The following ITFG2 variants were observed in gnomAD, a reference collection of about 807,000 sequenced individuals.
The protein encoded by ITFG2 is integrin alpha FG-GAP repeat containing 2, also known as KICSTOR complex protein ITFG2.
A neutral mutation model predicts 54.4 loss-of-function variants in ITFG2; 36 were observed. The ratio of observed to expected loss-of-function variants is 0.66; its 90% CI spans 0.51 to 0.87. The LOEUF is 0.87. Among genes scored for constraint, ITFG2 ranks in the 40% least tolerant of loss-of-function variants. The probability of loss-of-function intolerance (pLI) is 0.00; values close to 1 mark genes in which losing one functional copy is unlikely to be tolerated. For missense variants in ITFG2, 524 were observed against 576.7 expected, an observed-to-expected ratio of 0.91 and a Z score of 0.94; for synonymous variants, 211 against 225.4, an observed-to-expected ratio of 0.94 and a Z score of 0.57.
At chr12:2,855,221 C>A in intron 2 of ITFG2, 1 of 1,505,764 alleles carries the variant, frequency 6.6e-7, no homozygotes, top group Non-Finnish European at 8.9e-7. Context: ...CGGCACACAT[C>A]GAGCCACGTG....
chr12:2,819,838 G>A (rs1294644544), intron 4 of ITFG2: 3 of 352,548 alleles, frequency 8.5e-6, no homozygotes, highest in Non-Finnish European at 1.5e-5. Context: ...GATGAATTGG[G>A]ACACTTTGAG....
At chr12:2,821,826 T>G (rs1241814761) in intron 9 of ITFG2, 34 bp downstream of exon 9, 1 of 1,505,820 alleles carries the variant, frequency 6.6e-7, no homozygotes, top group African/African-American at 1.4e-5. Flanking sequence ...AGAGCATTCC[T>G]GCGTTTTCCA....
chr12:2,835,037 A>G (rs2098021862), upstream of ITFG2: 1 of 1,474,742 alleles, frequency 6.8e-7, no homozygotes, highest in East Asian at 2.3e-5. Flanking sequence ...AGAGGGAGTG[A>G]GACTCCGGCT....
At chr12:2,842,120 C>CTTTTTTTTTTT (rs71057841) in intron 2 of ITFG2, among the ~76,000 whole-genome samples, 5 of 108,714 alleles carry the variant, frequency 4.6e-5, no homozygotes, top group African/African-American at 1.5e-4. Context: ...TCACTTGTTT[C>CTTTTTTTTTTT]TTTTTTTTTT....
At chr12:2,826,999 T>C (rs1184988162), downstream of ITFG2, 2 of 1,386,794 alleles carry the variant, frequency 1.4e-6, 1 homozygote, top group South Asian at 3.4e-5. Context: ...GGCCCTCTAG[T>C]GAAAACTCGT....
Position 2,817,297 on chromosome 12 carries a change from C to G in ITFG2, c.171C>G (p.Leu57=). The change falls in exon 2 of 12, where the codon CTC becomes CTG. Residue 57 remains leucine, a synonymous_variant. Transcript: ENST00000228799. ...AAAATGATGACAGTCGGCCATGGCT[C>G]ACCTGTTCCTGCCAGGGAATGGTCA... ...VYKNDDSRPW[L]TCSCQGMLTC... 2 of 1,613,558 alleles carry G rather than the reference C, an allele frequency of 1.2e-6. No homozygotes were observed. Among genetic ancestry groups the G allele is most frequent in the East Asian group, 2.2e-5 (1 of 44,860 alleles).
chr12:2,834,969 A>G (rs754264163), upstream of ITFG2: 2 of 1,583,216 alleles, frequency 1.3e-6, no homozygotes, highest in Non-Finnish European at 1.7e-6. Flanking sequence ...GGGAAAGAGG[A>G]AAAATAAATA....
upstream of ITFG2, among the ~76,000 whole-genome samples, chr12:2,833,174 T>C (rs989407164): frequency 1.3e-5 from 2 of 151,792 alleles, no homozygotes; most frequent in African/African-American, 4.8e-5. Flanking sequence ...CCCGGGACTT[T>C]CTCATTAGAA....
At position 2,821,301 on chromosome 12, in the gene ITFG2, A is replaced by G. The variant is rs753298913; in HGVS notation, c.735A>G (p.Thr245=). Residue 245 remains threonine, a synonymous_variant, in exon 7 of 12, where the codon ACA becomes ACG. Transcript: ENST00000228799. The stretch of plus-strand genomic sequence containing the variant: ...CCCGAGACGTGGTGCTGCACCAGAC[A>G]TCTGGCCGTATCCACAACAAGAATG... ...PAARDVVLHQ[T]SGRIHNKNVS... The G allele has an allele frequency of 2.5e-6, 4 of 1,610,214 alleles. No individual in the cohort carries two copies. Among genetic ancestry groups the G allele is most frequent in the Non-Finnish European group, 3.4e-6 (4 of 1,178,266 alleles).
In ITFG2 at chr12:2,817,313, G is replaced by A. The variant is rs1199108559; in HGVS notation, c.187G>A (p.Gly63Arg). 3.1e-6 allele frequency: 5 copies of A among 1,611,618 alleles called. No homozygotes were observed. Among genetic ancestry groups the A allele is most frequent in the African/African-American group, 1.3e-5 (1 of 74,868 alleles). ...GCCATGGCTCACCTGTTCCTGCCAGGGAATGGTCAGTATTCACTTCCCTGG... is the reference window on the plus strand; with the variant it reads ...GCCATGGCTCACCTGTTCCTGCCAGAGAATGGTCAGTATTCACTTCCCTGG... ...SRPWLTCSCQ[G>R]MLTCVGVGDV... Residue 63 changes from glycine (G) to arginine (R), a missense_variant, in exon 2 of 12, where the codon GGA (glycine) becomes AGA (arginine). Coordinates refer to ENST00000228799, the MANE Select transcript of ITFG2 (RefSeq NM_018463.4).
chr12:2,826,829 T>G, downstream of ITFG2: 3 of 284,118 alleles, frequency 1.1e-5, no homozygotes, highest in Non-Finnish European at 1.2e-5. Context: ...GGAAGTTGAG[T>G]TGTGTTTGGG....
upstream of ITFG2, among the ~76,000 whole-genome samples, chr12:2,835,329 C>T (rs2098024351): frequency 6.6e-6 from 1 of 152,112 alleles, no homozygotes; most frequent in South Asian, 2.1e-4. Flanking sequence ...GTGGCCCCCG[C>T]CCTCCTCTGC....
chr12:2,830,183 GGAGGTAACATCT>G (rs1311250377), intron 2 of ITFG2: 1 of 152,222 alleles, frequency 6.6e-6, no homozygotes, highest in Non-Finnish European at 1.5e-5. Flanking sequence ...GTTTCAAGGA[GGAGGTAACATCT>G]GAGCTGGGCT....
rs760413772 is a variant in ITFG2, at chr12:2,849,502, C to G, written n.300+8507C>G. On this transcript the variant is annotated intron_variant and non_coding_transcript_variant, in intron 2 of 3. Transcript: ENST00000537710. ...CTGGAGGCCCTGGGGTTCAAACCTC[C>G]CACCAGCGGATATGTGCCGGTACCT... 5.2e-6 allele frequency: 8 copies of G among 1,536,118 alleles called. No individual in the cohort carries two copies. In the South Asian group the frequency reaches 9.5e-5, roughly 18 times the overall value.
At position 2,820,809 on chromosome 12, in the gene ITFG2, TG is replaced by T; in HGVS notation, c.633del (p.Cys212ValfsTer47). The T allele has an allele frequency of 6.2e-7, 1 of 1,614,034 alleles. No individual in the cohort carries two copies. On this transcript the variant is annotated frameshift_variant, in exon 6 of 12. Coordinates refer to ENST00000228799, the MANE Select transcript of ITFG2 (RefSeq NM_018463.4). LOFTEE classifies it high-confidence loss of function. ...CCAGGTTGTGCGTATGCAATTCTACTGTGTACCTGGAAAAAGGACACTGGGT... is the reference window on the plus strand; with the variant it reads ...CCAGGTTGTGCGTATGCAATTCTACTTGTACCTGGAAAAAGGACACTGGGT... ...SQPGCAYAIL[L>X]CTWKKDTGSP...
chr12:2,820,628 G>GCCCC, intron 5 of ITFG2, 96 bp from the exon 6 acceptor site: 1 of 251,778 alleles, frequency 4.0e-6, no homozygotes, highest in South Asian at 4.4e-5. Flanking sequence ...CCCTGCCCCT[G>GCCCC]CCCCCGCCCC....
At chr12:2,816,636 C>CTTTTTTTTT (rs57417012) in intron 1 of ITFG2, among the ~76,000 whole-genome samples, 1 of 111,278 alleles carries the variant, frequency 9.0e-6, no homozygotes, top group Non-Finnish European at 1.8e-5. Context: ...GCCTTTTTTT[C>CTTTTTTTTT]TTTTTTTTTT....
intron 2 of ITFG2, chr12:2,854,869 G>A (rs1165969021): frequency 6.6e-7 from 1 of 1,513,664 alleles, no homozygotes; most frequent in Non-Finnish European, 8.8e-7. Flanking sequence ...CAGGCTGGGT[G>A]GGCTCCCTGA....
intron 9 of ITFG2, 125 bp downstream of exon 9, chr12:2,821,917 CTT>C (rs372351675): frequency 4.4e-4 from 197 of 443,388 alleles, no homozygotes; most frequent in South Asian, 6.9e-4. Flanking sequence ...GTCTCTGTCT[CTT>C]TTTTTTTTTT....
Sources: gnomAD v4.1 joint callset for allele counts (sites outside exome capture counted in the v4.1 genomes callset) on GRCh38, gnomAD v4.1.1 for gene constraint, MANE v1.5 for transcripts, NCBI Gene and HGNC (gene_info 2026-07-23, HGNC 2026-07-21) for gene names.